The following PLEKHA4 variants were observed in gnomAD, a reference collection of about 807,000 sequenced individuals.
The protein encoded by PLEKHA4 is pleckstrin homology domain containing A4.
A neutral mutation model predicts 94.7 loss-of-function variants in PLEKHA4; 73 were observed. The ratio of observed to expected loss-of-function variants is 0.77; its 90% CI spans 0.64 to 0.94. PLEKHA4 has a LOEUF of 0.94. Ranked by LOEUF, PLEKHA4 falls within the 40% of genes least tolerant of loss-of-function variation. The pLI is 0.00. For synonymous variants in PLEKHA4, 449 were observed against 437.1 expected, an observed-to-expected ratio of 1.03 and a Z score of -0.34; for missense variants, 1,049 against 1,054.1, an observed-to-expected ratio of 1.00 and a Z score of 0.07.
chr19:48,866,963 G>A (rs574452152), intron 2 of PLEKHA4, among the ~76,000 whole-genome samples: 5 of 152,250 alleles, frequency 3.3e-5, no homozygotes, highest in African/African-American at 9.6e-5. Flanking sequence ...GCCAGGTCCC[G>A]ACAATATGCC....
chr19:48,868,231 C>G lies in PLEKHA4; in HGVS notation c.-155G>C, dbSNP rs1053854389. The stretch of plus-strand genomic sequence containing the variant: ...ACCTGCTCACTCACACTTTTTGTCT[C>G]TTTGTCTCCTGTCTCTTACGGTCTC... On this transcript the variant is annotated 5_prime_UTR_variant, in exon 1 of 20. Transcript: ENST00000263265. 3 of 152,846 alleles carry G rather than the reference C, an allele frequency of 2.0e-5. No homozygotes were observed. 9.5% of individuals were successfully genotyped at this position (152,846 alleles called of 1,614,324 possible). A position where few individuals can be genotyped will look rare whatever the true frequency, so the allele number is the denominator to read the frequency against.
intron 9 of PLEKHA4, among the ~76,000 whole-genome samples, chr19:48,857,163 C>T (rs1279797759): frequency 6.6e-6 from 1 of 152,078 alleles, no homozygotes; most frequent in Non-Finnish European, 1.5e-5. Context: ...AAAAGCTCCT[C>T]CTTAGAACCT....
Position 48,861,702 on chromosome 19 carries a change from G to C in PLEKHA4, c.193-10C>G, listed in dbSNP as rs2036648703. On this transcript the variant is annotated splice_polypyrimidine_tract_variant and intron_variant, in intron 3 of 19. Coordinates refer to ENST00000263265, the MANE Select transcript of PLEKHA4 (RefSeq NM_020904.3). ...GGAGCCCCGAGCTGTCCTGGGGAGA[G>C]AGATGGGAGGAGGGGCCTGAGTAAA... is the stretch of plus-strand genomic sequence containing the variant. The C allele has an allele frequency of 6.2e-7, 1 of 1,611,062 alleles. No homozygotes were observed. Among genetic ancestry groups the C allele is most frequent in the Non-Finnish European group, 8.5e-7 (1 of 1,177,220 alleles).
chr19:48,850,583 T>C (rs2036147088), intron 13 of PLEKHA4, among the ~76,000 whole-genome samples: 1 of 151,898 alleles, frequency 6.6e-6, no homozygotes, highest in African/African-American at 2.4e-5. Flanking sequence ...TTTGGGAAGC[T>C]GAGGCGGGTG....
At chr19:48,856,925 GAAAGA>G (rs1309074686) in intron 9 of PLEKHA4, among the ~76,000 whole-genome samples, 4 of 120,784 alleles carry the variant, frequency 3.3e-5, no homozygotes, top group Admixed American at 8.2e-5. Flanking sequence ...AAGAAAGAAA[GAAAGA>G]AAAGAAAAGA....
At chr19:48,857,849 T>G (rs569698087) in intron 8 of PLEKHA4, among the ~76,000 whole-genome samples, 180 of 150,470 alleles carry the variant, frequency 1.2e-3, no homozygotes, top group African/African-American at 4.3e-3. Flanking sequence ...TGACCTTCCC[T>G]CCACTATTGT....
chr19:48,867,557 G>A lies in PLEKHA4; in HGVS notation c.64C>T (p.Leu22Phe), dbSNP rs1342768652. Residue 22 changes from leucine (L) to phenylalanine (F), a missense_variant, in exon 2 of 20, where the codon CTC becomes TTC. Leu to Phe is a conservative substitution (Grantham distance 22). Coordinates refer to ENST00000263265, the MANE Select transcript of PLEKHA4 (RefSeq NM_020904.3). The surrounding 1 kb of genome is among the most constrained non-coding windows in gnomAD (Gnocchi z 4.7). ...LASSASTISS[L>F]SSLSPKKPTR... ...CAAACCTTGGGGCTCAGGCTGCTGA[G>A]CGAGGAGATGGTGGAGGCGCTGCTG... The A allele has an allele frequency of 6.2e-7, 1 of 1,600,932 alleles. No homozygotes were observed. The highest frequency in any genetic ancestry group is 8.5e-7 in the Non-Finnish European group (1 of 1,176,210).
chr19:48,837,594 C>T lies in PLEKHA4; in HGVS notation c.2078-43G>A, dbSNP rs199797932. 6.3e-5 allele frequency: 102 copies of T among 1,608,084 alleles called. No homozygotes were observed. The East Asian group carries it at 2.2e-3, about 35-fold the overall frequency. On this transcript the variant is annotated intron_variant, in intron 19 of 19. Coordinates refer to ENST00000263265, the MANE Select transcript of PLEKHA4 (RefSeq NM_020904.3). The surrounding 1 kb of genome is among the most constrained non-coding windows in gnomAD (Gnocchi z 4.3). Reference sequence around the variant, plus strand: ...GACATGAGAATGGCAAACCTCAGCGCTAGGACCCCGGATTCCCAGCCCCTC... The same window carrying T: ...GACATGAGAATGGCAAACCTCAGCGTTAGGACCCCGGATTCCCAGCCCCTC...
intron 3 of PLEKHA4, among the ~76,000 whole-genome samples, 159 bp downstream of exon 3, chr19:48,865,344 A>AAAAT (rs749046118): frequency 6.6e-6 from 1 of 152,154 alleles, no homozygotes; most frequent in African/African-American, 2.4e-5. Flanking sequence ...CTCTGTCTTA[A>AAAAT]AAATAAATAA....
At position 48,844,156 on chromosome 19, in the gene PLEKHA4, T is replaced by TTAC. The variant is rs1555780110; in HGVS notation, c.1743+1213_1743+1214insGTA. 1.1e-4 allele frequency among the ~76,000 whole-genome samples: 13 copies of TTAC among 114,572 alleles called. No homozygotes were observed. The East Asian group carries it at 2.7e-3, about 24-fold the overall frequency. The allele number at this position is 114,572 out of a possible 152,430, so 75.2% of individuals were successfully genotyped here. A position where few individuals can be genotyped will look rare whatever the true frequency, so the allele number is the denominator to read the frequency against. ...ATTATTATTATTATTATTATTATTATTATTATTATTATTTTCGAGACAGAG... is the reference window on the plus strand; with the variant it reads ...ATTATTATTATTATTATTATTATTATTACTATTATTATTATTTTCGAGACAGAG... On this transcript the variant is annotated intron_variant, in intron 16 of 19. Coordinates refer to ENST00000263265, the MANE Select transcript of PLEKHA4 (RefSeq NM_020904.3).
At chr19:48,862,331 A>G (rs837616) in intron 3 of PLEKHA4, among the ~76,000 whole-genome samples, 62,220 of 147,830 alleles carry the variant, frequency 0.42, 16,137 homozygotes, top group African/African-American at 0.74. Context: ...CTCCCGAGTA[A>G]CTGGGATTAC....
Position 48,845,410 on chromosome 19 carries a change from G to C in PLEKHA4, c.1703C>G (p.Pro568Arg), listed in dbSNP as rs770126340. The C allele has an allele frequency of 1.9e-6, 3 of 1,613,646 alleles. No homozygotes were observed. Among genetic ancestry groups the C allele is most frequent in the Non-Finnish European group, 2.5e-6 (3 of 1,180,028 alleles). Reference sequence around the variant, plus strand: ...TGGGGAAGGGAGGTGGCGACCCTCAGGGCTGGAAGCCCGGGAGACCCTCGG... The same window carrying C: ...TGGGGAAGGGAGGTGGCGACCCTCACGGCTGGAAGCCCGGGAGACCCTCGG... ...GSPRVSRASS[P>R]EGRHLPSPQL... Residue 568 changes from proline to arginine, a missense_variant, in exon 16 of 20, where the codon CCT (proline) becomes CGT (arginine). Transcript: ENST00000263265.
At chr19:48,847,440 A>C (rs2036007252) in intron 14 of PLEKHA4, among the ~76,000 whole-genome samples, 1 of 152,158 alleles carries the variant, frequency 6.6e-6, no homozygotes, top group Non-Finnish European at 1.5e-5. Flanking sequence ...CATCTTAAAA[A>C]AAAAATCCTG....
chr19:48,853,826 T>C lies in PLEKHA4; in HGVS notation c.1182A>G (p.Gln394=). Residue 394 remains glutamine, a synonymous_variant, in exon 12 of 20, where the codon CAA becomes CAG. Transcript: ENST00000263265. ...GGGTCAACTCCAGAGCTGCTTCTAGTTGCTCCTGCACCAAGACAGAAGGTG... is the reference window on the plus strand; with the variant it reads ...GGGTCAACTCCAGAGCTGCTTCTAGCTGCTCCTGCACCAAGACAGAAGGTG... ...EIDQKQEEKE[Q]LEAALELTRQ... is the part of the protein sequence containing the mutation. 1 of 1,608,282 alleles carries C rather than the reference T, an allele frequency of 6.2e-7. No homozygotes were observed. The highest frequency in any genetic ancestry group is 8.5e-7 in the Non-Finnish European group (1 of 1,176,942).
intron 11 of PLEKHA4, 44 bp from the exon 12 acceptor site, chr19:48,853,875 A>T (rs1354768031): frequency 6.3e-7 from 1 of 1,586,948 alleles, no homozygotes. Context: ...AGCCATGCCT[A>T]GCCCCAAGAA....
chr19:48,852,331 G>A lies in PLEKHA4; in HGVS notation c.1327-5C>T. ...GTCCCAAACCCTCTCTCGCTCCTCA[G>A]GTTGCATAAAGGGGGAGACATAGGT... is the stretch of plus-strand genomic sequence containing the variant. On this transcript the variant is annotated splice_polypyrimidine_tract_variant and splice_region_variant and intron_variant, in intron 12 of 19. Transcript: ENST00000263265. 1 of 1,612,484 alleles carries A rather than the reference G, an allele frequency of 6.2e-7. No homozygotes were observed. Among genetic ancestry groups the A allele is most frequent in the South Asian group, 1.1e-5 (1 of 91,060 alleles).
chr19:48,856,809 G>A (rs1381701984), intron 9 of PLEKHA4, among the ~76,000 whole-genome samples: 4 of 147,104 alleles, frequency 2.7e-5, no homozygotes, highest in Non-Finnish European at 5.9e-5. Context: ...TGAGGCAGGA[G>A]AATGGCATGA....
At chr19:48,843,411 C>T (rs1221686138) in intron 16 of PLEKHA4, among the ~76,000 whole-genome samples, 1 of 151,530 alleles carries the variant, frequency 6.6e-6, no homozygotes, top group Non-Finnish European at 1.5e-5. Flanking sequence ...GAACTCCTGA[C>T]CTTGTGATCC....
rs758224537 is a variant in PLEKHA4, at chr19:48,853,873, C to T, written c.1177-42G>A. ...GGTGGTTAGACTTCAGAAGCCATGC[C>T]TAGCCCCAAGAAGAAAGAAAAGATG... On this transcript the variant is annotated intron_variant, in intron 11 of 19. Transcript: ENST00000263265. 3.0e-5 allele frequency: 48 copies of T among 1,589,474 alleles called. No individual in the cohort carries two copies. In the South Asian group the frequency reaches 5.2e-4, roughly 17 times the overall value.
Sources: gnomAD v4.1 joint callset for allele counts (sites outside exome capture counted in the v4.1 genomes callset) on GRCh38, gnomAD v4.1.1 for gene constraint, Gnocchi (gnomAD v3.1) non-coding constraint, MANE v1.5 for transcripts, NCBI Gene and HGNC (gene_info 2026-07-23, HGNC 2026-07-21) for gene names.